Variants in BBS9 observed in about 807,000 individuals in gnomAD.
The protein encoded by BBS9 is protein PTHB1.
A neutral mutation model predicts 117.7 loss-of-function variants in BBS9; 89 were observed. That is an observed-to-expected ratio of 0.76 (90% CI 0.64 to 0.90). BBS9 has a LOEUF of 0.90. Among genes scored for constraint, BBS9 ranks in the 40% least tolerant of loss-of-function variants. The pLI, the probability that BBS9 is intolerant of heterozygous loss-of-function variation, is 0.00. For synonymous variants in BBS9, 379 were observed against 370.9 expected, an observed-to-expected ratio of 1.02 and a Z score of -0.25; for missense variants, 982 against 1,042.2, an observed-to-expected ratio of 0.94 and a Z score of 0.80.
At chr7:33,228,683 A>G (rs1791754002) in intron 5 of BBS9, among the ~76,000 whole-genome samples, 1 of 152,212 alleles carries the variant, frequency 6.6e-6, no homozygotes. Context: ...AAAGTCAGCT[A>G]TAGTAAAAAA....
intron 7 of BBS9, among the ~76,000 whole-genome samples, chr7:33,272,290 A>T (rs895308983): frequency 1.3e-5 from 2 of 152,176 alleles, no homozygotes; most frequent in Non-Finnish European, 2.9e-5. Context: ...CTATACGCCA[A>T]ACCTCTGTGA....
chr7:33,351,691 G>C (rs892666456), intron 14 of BBS9, among the ~76,000 whole-genome samples: 1 of 152,094 alleles, frequency 6.6e-6, no homozygotes, highest in Non-Finnish European at 1.5e-5. Context: ...TCATGACCAG[G>C]AAGAATTAGG....
At chr7:33,222,448 G>A (rs969204423) in intron 5 of BBS9, among the ~76,000 whole-genome samples, 2 of 152,112 alleles carry the variant, frequency 1.3e-5, no homozygotes, top group Non-Finnish European at 2.9e-5. Context: ...GGAAGAAGAT[G>A]CTTCATCACC....
In BBS9 at chr7:33,307,618, C is replaced by G. The variant is rs148224385; in HGVS notation, c.1017-28823C>G. On this transcript the variant is annotated intron_variant, in intron 9 of 22. Coordinates refer to ENST00000242067, the MANE Select transcript of BBS9 (RefSeq NM_198428.3). ...AAGTGGCATAGTGTTTGCTTATAAC[C>G]TATGTACATCTTCCTGTATTATTTA... is the stretch of plus-strand genomic sequence containing the variant. Among the ~76,000 whole-genome samples, 829 of 152,072 alleles carry G rather than the reference C, an allele frequency of 5.5e-3. 6 individuals are homozygous for G. Among genetic ancestry groups the G allele is most frequent in the Non-Finnish European group, 8.8e-3 (598 of 67,992 alleles).
At chr7:33,384,824 G>A (rs1005452811) in intron 18 of BBS9, among the ~76,000 whole-genome samples, 4 of 152,014 alleles carry the variant, frequency 2.6e-5, no homozygotes, top group African/African-American at 4.8e-5. Context: ...CTTTAATGTA[G>A]TGTGAACATA....
At chr7:33,323,106 G>A (rs1331310978) in intron 9 of BBS9, among the ~76,000 whole-genome samples, 1 of 152,024 alleles carries the variant, frequency 6.6e-6, no homozygotes, top group African/African-American at 2.4e-5. Flanking sequence ...TATTCTTGAT[G>A]TTGTTTCAGT....
At chr7:33,352,653 T>C (rs1410645947) in intron 14 of BBS9, among the ~76,000 whole-genome samples, 2 of 152,132 alleles carry the variant, frequency 1.3e-5, no homozygotes, top group African/African-American at 4.8e-5. Context: ...TAAATAAATG[T>C]ATTGTTGGGT....
chr7:33,582,692 A>G (rs1860179700), intron 21 of BBS9, among the ~76,000 whole-genome samples: 1 of 152,106 alleles, frequency 6.6e-6, no homozygotes, highest in Non-Finnish European at 1.5e-5. Context: ...AGTTAGGAAC[A>G]TCTTAAAGCC....
At chr7:33,168,715 T>A (rs1796066521) in intron 4 of BBS9, among the ~76,000 whole-genome samples, 1 of 152,210 alleles carries the variant, frequency 6.6e-6, no homozygotes, top group Non-Finnish European at 1.5e-5. Flanking sequence ...TCCTTCAATT[T>A]GAAACCTATA....
chr7:33,255,041 A>T (rs988229213), intron 5 of BBS9, among the ~76,000 whole-genome samples: 1 of 152,050 alleles, frequency 6.6e-6, no homozygotes, highest in Non-Finnish European at 1.5e-5. Context: ...TGAGCTTCTT[A>T]TATCTTTTAG....
chr7:33,139,457 A>G (rs2128074098), intron 1 of BBS9, among the ~76,000 whole-genome samples: 1 of 150,630 alleles, frequency 6.6e-6, no homozygotes, highest in Non-Finnish European at 1.5e-5. Flanking sequence ...TAGCAAGCTG[A>G]AAAAATTTAT....
At chr7:33,411,011 G>GT (rs765425062) in intron 19 of BBS9, among the ~76,000 whole-genome samples, 1,834 of 96,394 alleles carry the variant, frequency 0.019, 51 homozygotes, top group Admixed American at 0.096. Flanking sequence ...AAATGTTGGT[G>GT]TTTTTTTTTT....
chr7:33,234,331 G>C (rs1452180740), intron 5 of BBS9, among the ~76,000 whole-genome samples: 1 of 151,870 alleles, frequency 6.6e-6, no homozygotes, highest in Non-Finnish European at 1.5e-5. Context: ...TTTTCCCCCA[G>C]CTATTGAGGT....
intron 20 of BBS9, among the ~76,000 whole-genome samples, chr7:33,512,557 T>C (rs1847118567): frequency 6.6e-6 from 1 of 152,240 alleles, no homozygotes; most frequent in African/African-American, 2.4e-5. Context: ...GTGATCATCA[T>C]CAACTTCATA....
intron 4 of BBS9, among the ~76,000 whole-genome samples, chr7:33,177,121 C>T (rs1427751173): frequency 6.6e-6 from 1 of 151,860 alleles, no homozygotes; most frequent in Non-Finnish European, 1.5e-5. Flanking sequence ...TTTCTTTGCT[C>T]TATTAATGTT....
At chr7:33,468,477 G>C (rs1415164514) in intron 19 of BBS9, among the ~76,000 whole-genome samples, 1 of 152,086 alleles carries the variant, frequency 6.6e-6, no homozygotes, top group African/African-American at 2.4e-5. Context: ...GATCAAACCA[G>C]GGTAATTGGG....
At chr7:33,541,696 A>G (rs1402984263) in intron 21 of BBS9, among the ~76,000 whole-genome samples, 1 of 152,254 alleles carries the variant, frequency 6.6e-6, no homozygotes. Context: ...GAAGCCAGTC[A>G]GAAAGACCTC....
chr7:33,220,759 C>T (rs1226549990), intron 5 of BBS9, among the ~76,000 whole-genome samples: 1 of 152,138 alleles, frequency 6.6e-6, no homozygotes, highest in African/African-American at 2.4e-5. Flanking sequence ...TAGTACCAAA[C>T]AAATACTAGT....
At chr7:33,214,824 C>A (rs539061914) in intron 5 of BBS9, among the ~76,000 whole-genome samples, 36 of 152,178 alleles carry the variant, frequency 2.4e-4, no homozygotes, top group Admixed American at 3.9e-4. Context: ...TGATATTATT[C>A]TTCGTGGAGA....
Sources: gnomAD v4.1 joint callset for allele counts (sites outside exome capture counted in the v4.1 genomes callset) on GRCh38, gnomAD v4.1.1 for gene constraint, MANE v1.5 for transcripts, NCBI Gene and HGNC (gene_info 2026-07-23, HGNC 2026-07-21) for gene names.